KIF9: variants seen among roughly 807,000 people sequenced by gnomAD.
The protein encoded by KIF9 is kinesin family member 9, also known as kinesin-like protein KIF9.
A neutral mutation model predicts 94.8 loss-of-function variants in KIF9; 68 were observed. The ratio of observed to expected loss-of-function variants is 0.72; its 90% CI spans 0.59 to 0.88. KIF9 has a LOEUF of 0.88. KIF9 is among the 40% of genes least tolerant of loss of function. KIF9 has a pLI of 0.00. For synonymous variants in KIF9, 343 were observed against 362.1 expected, an observed-to-expected ratio of 0.95 and a Z score of 0.60; for missense variants, 882 against 982.5, an observed-to-expected ratio of 0.90 and a Z score of 1.37.
In KIF9 at chr3:47,236,018, C is replaced by G; in HGVS notation, c.2217+16G>C. 3.8e-6 allele frequency: 6 copies of G among 1,582,610 alleles called. No homozygotes were observed. Among genetic ancestry groups the G allele is most frequent in the Non-Finnish European group, 5.2e-6 (6 of 1,151,712 alleles). On this transcript the variant is annotated intron_variant, in intron 19 of 20. Transcript: ENST00000684063. ...ATGTTCAACCACTGCCACACCCCTG[C>G]CCCTGTGCCGCTCACCAGAGACACA...
intron 20 of KIF9, among the ~76,000 whole-genome samples, chr3:47,235,130 C>G (rs1446211230): frequency 1.3e-5 from 2 of 152,216 alleles, no homozygotes; most frequent in African/African-American, 2.4e-5. Context: ...ACCCCACCCA[C>G]TCTATAGCTA....
chr3:47,277,124 T>C (rs1702026785), intron 2 of KIF9, 158 bp downstream of exon 2: 1 of 436,400 alleles, frequency 2.3e-6, no homozygotes, highest in African/African-American at 2.0e-5. Context: ...TCATTAGCAG[T>C]GTGTGAGGGG....
At chr3:47,259,540 G>A (rs1014280211) in intron 9 of KIF9, among the ~76,000 whole-genome samples, 8 of 152,148 alleles carry the variant, frequency 5.3e-5, no homozygotes, top group African/African-American at 1.7e-4. Context: ...TAAGTGTGGG[G>A]AAAAGCAAGA....
intron 9 of KIF9, chr3:47,264,065 G>T: frequency 1.8e-6 from 1 of 568,422 alleles, no homozygotes; most frequent in Non-Finnish European, 3.3e-6. Flanking sequence ...TGCTGAGCCT[G>T]CCTGCTGGCT....
chr3:47,229,416 G>A (rs562950914), intron 20 of KIF9, among the ~76,000 whole-genome samples: 11 of 152,178 alleles, frequency 7.2e-5, no homozygotes, highest in Admixed American at 3.3e-4. Context: ...ACAAGGTCAC[G>A]ATTTCAATAC....
intron 20 of KIF9, among the ~76,000 whole-genome samples, chr3:47,234,973 G>A (rs756121052): frequency 2.0e-5 from 3 of 152,218 alleles, no homozygotes; most frequent in South Asian, 2.1e-4. Context: ...CTTCTGCCCC[G>A]TGTGCATCTG....
At chr3:47,237,530 T>G (rs1012531350) in intron 17 of KIF9, among the ~76,000 whole-genome samples, 16 of 152,184 alleles carry the variant, frequency 1.1e-4, no homozygotes, top group Non-Finnish European at 1.0e-4. Flanking sequence ...CAGTGACAGT[T>G]GTTGGGTTAA....
At chr3:47,274,372 C>G (rs1257243107) in intron 3 of KIF9, among the ~76,000 whole-genome samples, 1 of 152,238 alleles carries the variant, frequency 6.6e-6, no homozygotes, top group Non-Finnish European at 1.5e-5. Context: ...CGGCTCCTAT[C>G]TGTTCTTCCC....
intron 9 of KIF9, among the ~76,000 whole-genome samples, chr3:47,260,968 G>A (rs547469029): frequency 9.8e-5 from 15 of 152,356 alleles, no homozygotes; most frequent in Non-Finnish European, 2.2e-4. Flanking sequence ...AGGAGGCTCA[G>A]TGGTACTGGC....
intron 4 of KIF9, 38 bp from the exon 5 acceptor site, chr3:47,271,499 AC>A: frequency 6.6e-7 from 1 of 1,511,930 alleles, no homozygotes; most frequent in Non-Finnish European, 9.2e-7. Context: ...CAAGAGCAGA[AC>A]CCCAACAGCC....
At chr3:47,246,407 C>T in intron 12 of KIF9, 155 bp from the exon 13 acceptor site, 1 of 449,964 alleles carries the variant, frequency 2.2e-6, no homozygotes, top group Non-Finnish European at 3.9e-6. Context: ...AGCGAAGTGG[C>T]AGCCAAGCCC....
At chr3:47,262,700 G>A (rs1701059265) in intron 9 of KIF9, among the ~76,000 whole-genome samples, 1 of 152,126 alleles carries the variant, frequency 6.6e-6, no homozygotes, top group Non-Finnish European at 1.5e-5. Flanking sequence ...TGTACGACAG[G>A]AGCACTCTCC....
chr3:47,238,390 A>C (rs1246964451), intron 17 of KIF9: 1 of 151,836 alleles, frequency 6.6e-6, no homozygotes, highest in Non-Finnish European at 1.5e-5. Context: ...CTAATTTTTT[A>C]TGTTTTTTTG....
intron 1 of KIF9, chr3:47,280,904 C>A (rs1234958749): frequency 5.7e-6 from 4 of 702,934 alleles, no homozygotes; most frequent in African/African-American, 3.5e-5. Context: ...TACTCAGCAG[C>A]CCTTTAACAC....
intron 16 of KIF9, among the ~76,000 whole-genome samples, chr3:47,241,915 G>A (rs1338598296): frequency 7.6e-6 from 1 of 132,376 alleles, no homozygotes; most frequent in Non-Finnish European, 1.5e-5. Flanking sequence ...GAGACAGCAT[G>A]CTCTGTTGCC....
intron 1 of KIF9, among the ~76,000 whole-genome samples, chr3:47,281,718 T>A (rs1702372312): frequency 6.6e-6 from 1 of 152,194 alleles, no homozygotes; most frequent in Non-Finnish European, 1.5e-5. Context: ...ATATTTCTGG[T>A]ATAACAAAGC....
At position 47,240,805 on chromosome 3, in the gene KIF9, C is replaced by T. The variant is rs1699413859; in HGVS notation, c.1920G>A (p.Lys640=). Residue 640 remains lysine (K), a synonymous_variant, in exon 17 of 21, where the codon AAG becomes AAA. Coordinates refer to ENST00000684063, the MANE Select transcript of KIF9 (RefSeq NM_182902.4). ...CCCTCTTTCCAACACATTTACCTTGCTTCTCCCGTAGTGACTTCTGGAAAT... is the reference window on the plus strand; with the variant it reads ...CCCTCTTTCCAACACATTTACCTTGTTTCTCCCGTAGTGACTTCTGGAAAT... ...ALNFQKSLRE[K]QGKYENKGLM... 3.1e-6 allele frequency: 5 copies of T among 1,613,564 alleles called. No individual in the cohort carries two copies. Among genetic ancestry groups the T allele is most frequent in the South Asian group, 2.2e-5 (2 of 91,058 alleles).
chr3:47,236,120 CAA>C lies in KIF9; in HGVS notation c.2129_2130del (p.Phe710CysfsTer4). On this transcript the variant is annotated frameshift_variant, in exon 19 of 21. Transcript: ENST00000684063. LOFTEE classifies it high-confidence loss of function. The part of the protein sequence containing the change: ...MEFDIWYNES[F>X]VIPEDMQMAL... Reference sequence around the variant, plus strand: ...GCCATCTGCATGTCCTCAGGGATGACAAAGGACTCATTGTACCAGATGTCAAA... The same window carrying C: ...GCCATCTGCATGTCCTCAGGGATGACAGGACTCATTGTACCAGATGTCAAA... The C allele has an allele frequency of 6.2e-7, 1 of 1,614,114 alleles. No individual in the cohort carries two copies. Among genetic ancestry groups the C allele is most frequent in the Non-Finnish European group, 8.5e-7 (1 of 1,179,972 alleles).
At chr3:47,228,754 G>A in intron 20 of KIF9, 52 bp from the exon 21 acceptor site, 1 of 1,472,214 alleles carries the variant, frequency 6.8e-7, no homozygotes. Context: ...GACAGACATA[G>A]CAGGGACTCA....
Sources: gnomAD v4.1 joint callset for allele counts (sites outside exome capture counted in the v4.1 genomes callset) on GRCh38, gnomAD v4.1.1 for gene constraint, MANE v1.5 for transcripts, NCBI Gene and HGNC (gene_info 2026-07-23, HGNC 2026-07-21) for gene names.